The following REELD1 variants were observed in gnomAD, a reference collection of about 807,000 sequenced individuals.
The protein encoded by REELD1 is reelin domain-containing protein 1.
Under a neutral mutation model 6.3 loss-of-function variants are expected in REELD1, and 12 were observed. The ratio of observed to expected loss-of-function variants is 1.89; its 90% CI spans 1.21 to 3.07. The LOEUF is 3.07. Ranked by LOEUF, REELD1 falls within the 30% of genes most tolerant of loss-of-function variation. REELD1 has a pLI of 0.00. For missense variants in REELD1, 163 were observed against 86.8 expected (o/e 1.88, Z -3.49); for synonymous variants, 57 against 33.6 (o/e 1.70, Z -2.42).
chr4:146,224,763 A>G (rs935927132), intron 5 of REELD1, among the ~76,000 whole-genome samples, 155 bp downstream of exon 5: 6 of 152,236 alleles, frequency 3.9e-5, no homozygotes, highest in Non-Finnish European at 8.8e-5. Flanking sequence ...TGGGGATGTG[A>G]TAACGCAGCA....
rs369497694 is a variant in REELD1, at chr4:146,223,730, G to A, written c.432-715G>A. ...ATCTCCCACCTCCGGGAACGCTTGC[G>A]CACGATAATGTCCGCCGAGTCTGGA... is the stretch of plus-strand genomic sequence containing the variant. On this transcript the variant is annotated intron_variant, in intron 4 of 7. Coordinates refer to ENST00000623665, the MANE Select transcript of REELD1 (RefSeq NM_001354631.1). Among the ~76,000 whole-genome samples the A allele has an allele frequency of 1.4e-3, 207 of 152,286 alleles. 2 individuals carry two copies. Among genetic ancestry groups the A allele is most frequent in the Middle Eastern group, 0.01 (3 of 294 alleles).
intron 3 of REELD1, among the ~76,000 whole-genome samples, chr4:146,217,444 A>G (rs1234095845): frequency 6.6e-6 from 1 of 151,692 alleles, no homozygotes; most frequent in African/African-American, 2.4e-5. Flanking sequence ...GGGTCTTTGT[A>G]TGTTGCCCAG....
rs185051378 is a variant in REELD1, at chr4:146,222,310, G to A, written c.209-47G>A. ...AAAAAGCTGCATAAAATCACCACAC[G>A]GAACTAAGTCACACGTGTTCATGTT... On this transcript the variant is annotated intron_variant, in intron 3 of 7. Coordinates refer to ENST00000623665, the MANE Select transcript of REELD1 (RefSeq NM_001354631.1). The A allele has an allele frequency of 1.9e-3, 765 of 398,362 alleles. 1 individual carries two copies. Among genetic ancestry groups the A allele is most frequent in the Non-Finnish European group, 2.7e-3 (614 of 226,034 alleles). The allele number at this position is 398,362 out of a possible 1,614,324, so 24.7% of individuals were successfully genotyped here. A position where few individuals can be genotyped will look rare whatever the true frequency, so the allele number is the denominator to read the frequency against.
intron 5 of REELD1, among the ~76,000 whole-genome samples, chr4:146,224,992 A>G (rs1459164012): frequency 4.6e-5 from 7 of 152,238 alleles, no homozygotes; most frequent in African/African-American, 1.7e-4. Context: ...AGCACAAAAA[A>G]GAAATGAGCT....
chr4:146,225,028 G>A (rs140494238), intron 5 of REELD1, among the ~76,000 whole-genome samples: 128 of 152,242 alleles, frequency 8.4e-4, no homozygotes, highest in African/African-American at 3.0e-3. Context: ...TCATAAAAAC[G>A]CATCCAGTTT....
At position 146,228,493 on chromosome 4, in the gene REELD1, C is replaced by A; in HGVS notation, c.879C>A (p.Ser293Arg). Residue 293 changes from serine (S) to arginine (R), a missense_variant, in exon 6 of 8, where the codon AGC becomes AGA. Coordinates refer to ENST00000623665, the MANE Select transcript of REELD1 (RefSeq NM_001354631.1). ...CCCTCAAGAGAGTCTCCTCAGAGAG[C>A]TTTGCTTCCAGCCTTAGCACCCATC... The part of the protein sequence containing the change: ...LVALKRVSSE[S>R]FASSLSTHHR... 1 of 702,440 alleles carries A rather than the reference C, an allele frequency of 1.4e-6. No individual in the cohort carries two copies. Among genetic ancestry groups the A allele is most frequent in the Middle Eastern group, 2.3e-4 (1 of 4,346 alleles). The allele number at this position is 702,440 out of a possible 1,614,324, so 43.5% of individuals were successfully genotyped here.
chr4:146,222,544 G>A lies in REELD1; in HGVS notation c.396G>A (p.Lys132=), dbSNP rs1730943011. ...AGAGAAACCTGTCATTCGTGTGGAA[G>A]GCCCCAGCCCAGCCTGTGGGGGACA... The part of the protein sequence containing the change: ...SLKRNLSFVW[K]APAQPVGDIK... The change falls in exon 4 of 8, where the codon AAG becomes AAA. Residue 132 remains lysine, a synonymous_variant. Coordinates refer to ENST00000623665, the MANE Select transcript of REELD1 (RefSeq NM_001354631.1). 1.0e-5 allele frequency: 4 copies of A among 398,616 alleles called. No homozygotes were observed. In the East Asian group the frequency reaches 1.1e-4, roughly 11 times the overall value. 24.7% of individuals were successfully genotyped at this position (398,616 alleles called of 1,614,324 possible).
intron 5 of REELD1, among the ~76,000 whole-genome samples, chr4:146,227,150 A>T (rs573357737): frequency 1.8e-4 from 28 of 151,992 alleles, no homozygotes; most frequent in Admixed American, 9.8e-4. Flanking sequence ...AGTCTGCATT[A>T]TGTTTGCATC....
chr4:146,225,010 G>T (rs146821062), intron 5 of REELD1, among the ~76,000 whole-genome samples: 1 of 152,174 alleles, frequency 6.6e-6, no homozygotes, highest in Non-Finnish European at 1.5e-5. Flanking sequence ...GCTTTTCTTC[G>T]TCTTTTCTCA....
rs1002391683 is a variant in REELD1, at chr4:146,224,475, C to G, written c.462C>G (p.Tyr154Ter). 3.0e-6 allele frequency: 2 copies of G among 668,558 alleles called. No homozygotes were observed. The highest frequency in any genetic ancestry group is 5.5e-6 in the Non-Finnish European group (2 of 364,370). The allele number at this position is 668,558 out of a possible 1,614,324, so 41.4% of individuals were successfully genotyped here. ...LLSVVQSYFV[Y>*]WARIESSVVS... is the part of the protein sequence containing the mutation. ...CAGTAGTCCAGTCATATTTTGTTTA[C>G]TGGGCAAGGATTGAATCATCTGTTG... The change falls in exon 5 of 8, where the codon TAC becomes TAG. Residue 154 changes from tyrosine to a stop codon, truncating the protein, a stop_gained. Transcript: ENST00000623665. LOFTEE classifies it high-confidence loss of function.
intron 2 of REELD1, 100 bp from the exon 3 acceptor site, chr4:146,216,840 TAC>T: frequency 2.5e-6 from 1 of 397,542 alleles, no homozygotes; most frequent in East Asian, 3.6e-5. Flanking sequence ...GCATCTCAGG[TAC>T]AGAGGCAGTG....
At chr4:146,216,555 C>T (rs17021247) in intron 2 of REELD1, among the ~76,000 whole-genome samples, 3,653 of 152,280 alleles carry the variant, frequency 0.024, 160 homozygotes, top group African/African-American at 0.084. Context: ...GTGTCTACTT[C>T]AGATAATGTA....
chr4:146,219,156 T>TCAAA (rs1000035014), intron 3 of REELD1, among the ~76,000 whole-genome samples: 19 of 152,224 alleles, frequency 1.2e-4, no homozygotes, highest in Admixed American at 6.5e-4. Context: ...AGACTCTGTC[T>TCAAA]CAAACAAACA....
In REELD1 at chr4:146,217,730, G is replaced by A. The variant is rs1454145316; in HGVS notation, c.208+570G>A. Among the ~76,000 whole-genome samples, 5 of 152,220 alleles carry A rather than the reference G, an allele frequency of 3.3e-5. No individual in the cohort carries two copies. The South Asian group carries it at 1.0e-3, about 32-fold the overall frequency. ...GTATCTTATTACGGACACAAATATA[G>A]TTACTCTGAACAACCTTCATGTATC... On this transcript the variant is annotated intron_variant, in intron 3 of 7. Transcript: ENST00000623665.
At chr4:146,225,508 C>T (rs900712550) in intron 5 of REELD1, among the ~76,000 whole-genome samples, 1 of 152,096 alleles carries the variant, frequency 6.6e-6, no homozygotes, top group African/African-American at 2.4e-5. Context: ...TGCCTTTGCC[C>T]CACAACCTTT....
chr4:146,219,099 C>T (rs534507007), intron 3 of REELD1, among the ~76,000 whole-genome samples: 1 of 152,306 alleles, frequency 6.6e-6, no homozygotes, highest in South Asian at 2.1e-4. Context: ...TTGCAGTGAA[C>T]TGAGATAGCC....
intron 4 of REELD1, among the ~76,000 whole-genome samples, chr4:146,223,099 T>TA (rs1373255055): frequency 6.6e-6 from 1 of 152,224 alleles, no homozygotes; most frequent in Non-Finnish European, 1.5e-5. Context: ...GTAAGCACTT[T>TA]AAAAGCATCA....
rs1731109318 is a variant in REELD1 at position 146,230,427 on chromosome 4, A to G, written c.1495A>G (p.Lys499Glu). 5 of 398,686 alleles carry G rather than the reference A, an allele frequency of 1.3e-5. No homozygotes were observed. The highest frequency in any genetic ancestry group is 4.4e-6 in the Non-Finnish European group (1 of 226,116). 24.7% of individuals were successfully genotyped at this position (398,686 alleles called of 1,614,324 possible). ...SNSGETVHVRKIGENSFVLVQ... is the reference protein window; with the variant it reads ...SNSGETVHVREIGENSFVLVQ... ...CAGTGGTGAGACTGTGCACGTCAGG[A>G]AGATTGGGGAGAACAGTTTTGTTTT... Residue 499 changes from lysine (K) to glutamate (E), a missense_variant, in exon 8 of 8, where the codon AAG (lysine) becomes GAG (glutamate). By Grantham distance (56) the Lys-to-Glu change is moderately conservative. Transcript: ENST00000623665.
Position 146,224,432 on chromosome 4 carries a change from T to C in REELD1, c.432-13T>C. On this transcript the variant is annotated splice_polypyrimidine_tract_variant and intron_variant, in intron 4 of 7. Coordinates refer to ENST00000623665, the MANE Select transcript of REELD1 (RefSeq NM_001354631.1). Reference sequence around the variant, plus strand: ...TAAATCCGTGAACTGCTCTGCTCTTTCTCTTTCCCCAGTTTATCAGTAGTC... The same window carrying C: ...TAAATCCGTGAACTGCTCTGCTCTTCCTCTTTCCCCAGTTTATCAGTAGTC... The C allele has an allele frequency of 1.6e-6, 1 of 612,614 alleles. No homozygotes were observed. Among genetic ancestry groups the C allele is most frequent in the Middle Eastern group, 3.9e-4 (1 of 2,596 alleles). 37.9% of individuals were successfully genotyped at this position (612,614 alleles called of 1,614,324 possible).
Sources: gnomAD v4.1 joint callset for allele counts (sites outside exome capture counted in the v4.1 genomes callset) on GRCh38, gnomAD v4.1.1 for gene constraint, MANE v1.5 for transcripts, NCBI Gene and HGNC (gene_info 2026-07-23, HGNC 2026-07-21) for gene names.